The following FBXL5 variants were observed in gnomAD, a reference collection of about 807,000 sequenced individuals.
FBXL5 encodes the protein F-box/LRR-repeat protein 5.
FBXL5 carries 26 observed loss-of-function variants against 78.3 expected under a neutral mutation model. The observed-to-expected ratio is 0.33, with a 90% CI of 0.24 to 0.46. The LOEUF (loss-of-function observed/expected upper bound fraction) is 0.46, where lower values mean the gene tolerates loss of function less well. Among genes scored for constraint, FBXL5 ranks in the 20% least tolerant of loss-of-function variants. FBXL5 has a pLI of 1.00. For synonymous variants in FBXL5, 295 were observed against 282.5 expected (o/e 1.04, Z -0.45); for missense variants, 710 against 829.2 (o/e 0.86, Z 1.77).
upstream of FBXL5, among the ~76,000 whole-genome samples, chr4:15,662,622 C>A (rs1027612578): frequency 6.6e-6 from 1 of 152,110 alleles, no homozygotes; most frequent in African/African-American, 2.4e-5. Flanking sequence ...TTCAAGTGAG[C>A]CTCTCGTCAC....
At position 15,655,356 on chromosome 4, in the gene FBXL5, G is replaced by T; in HGVS notation, c.-69C>A. 1 of 1,194,916 alleles carries T rather than the reference G, an allele frequency of 8.4e-7. No homozygotes were observed. Among genetic ancestry groups the T allele is most frequent in the Middle Eastern group, 3.3e-4 (1 of 3,062 alleles). The allele number at this position is 1,194,916 out of a possible 1,614,324, so 74.0% of individuals were successfully genotyped here. On this transcript the variant is annotated 5_prime_UTR_variant, in exon 1 of 11. Transcript: ENST00000341285. ...TCTCCATAGACACCCTCGCCGCGGG[G>T]CAGAGGCGGCGCGCCCCCTTGCGCA...
intron 1 of FBXL5, among the ~76,000 whole-genome samples, chr4:15,670,567 T>C (rs1717719417): frequency 6.6e-6 from 1 of 152,198 alleles, no homozygotes; most frequent in Non-Finnish European, 1.5e-5. Context: ...CCTTTAGCTT[T>C]TAACTGGGAT....
chr4:15,659,769 C>A (rs1324497145), upstream of FBXL5: 8 of 982,878 alleles, frequency 8.1e-6, no homozygotes, highest in Non-Finnish European at 9.7e-6. Context: ...AAGTGAACAC[C>A]AAAATCTTGA....
intron 1 of FBXL5, among the ~76,000 whole-genome samples, chr4:15,668,753 G>T (rs1717646830): frequency 6.6e-6 from 1 of 152,140 alleles, no homozygotes; most frequent in Non-Finnish European, 1.5e-5. Flanking sequence ...TAATTTCTTA[G>T]TTATTGCACT....
chr4:15,616,771 C>T (rs1040261353), intron 9 of FBXL5, among the ~76,000 whole-genome samples: 1 of 152,200 alleles, frequency 6.6e-6, no homozygotes, highest in African/African-American at 2.4e-5. Context: ...GCCCGGCTCT[C>T]TAAATTCATC....
intron 2 of FBXL5, chr4:15,641,622 A>G: frequency 2.2e-6 from 1 of 455,746 alleles, no homozygotes; most frequent in Non-Finnish European, 4.4e-6. Flanking sequence ...AGTCAACAGT[A>G]GTAGGCTGTA....
At chr4:15,649,745 G>T (rs1473691818) in intron 1 of FBXL5, among the ~76,000 whole-genome samples, 1 of 151,876 alleles carries the variant, frequency 6.6e-6, no homozygotes, top group Non-Finnish European at 1.5e-5. Flanking sequence ...ACATACGGAA[G>T]GAAGCCAATG....
intron 5 of FBXL5, among the ~76,000 whole-genome samples, chr4:15,632,324 G>A (rs7688089): frequency 3.3e-5 from 5 of 152,152 alleles, no homozygotes; most frequent in Non-Finnish European, 7.3e-5. Context: ...TAGCCTTGTA[G>A]TATAGTTTGA....
At chr4:15,619,595 C>A (rs937486793) in intron 9 of FBXL5, among the ~76,000 whole-genome samples, 1 of 150,758 alleles carries the variant, frequency 6.6e-6, no homozygotes, top group Non-Finnish European at 1.5e-5. Context: ...AAGATTAGAA[C>A]AAGGTAAAAA....
At chr4:15,658,789 T>C (rs572765632), upstream of FBXL5, among the ~76,000 whole-genome samples, 27 of 152,214 alleles carry the variant, frequency 1.8e-4, no homozygotes, top group Non-Finnish European at 3.5e-4. Flanking sequence ...CTTAATCTAC[T>C]TTCTCGATAG....
At chr4:15,630,973 T>C (rs1713582777) in intron 5 of FBXL5, among the ~76,000 whole-genome samples, 182 bp from the exon 6 acceptor site, 1 of 152,202 alleles carries the variant, frequency 6.6e-6, no homozygotes, top group Non-Finnish European at 1.5e-5. Flanking sequence ...ACGTGCAAGT[T>C]TGTTACATAG....
intron 1 of FBXL5, among the ~76,000 whole-genome samples, chr4:15,678,547 CAT>C (rs1718077705): frequency 6.6e-6 from 1 of 152,194 alleles, no homozygotes; most frequent in African/African-American, 2.4e-5. Flanking sequence ...TATACATTTA[CAT>C]AGTCTCAAAA....
At chr4:15,647,372 G>GA (rs1024269346) in intron 1 of FBXL5, among the ~76,000 whole-genome samples, 5 of 152,030 alleles carry the variant, frequency 3.3e-5, no homozygotes, top group African/African-American at 1.2e-4. Context: ...TGTATGGGAA[G>GA]ATATGTGTAA....
chr4:15,645,204 G>A (rs1474215844), intron 1 of FBXL5, among the ~76,000 whole-genome samples: 1 of 151,944 alleles, frequency 6.6e-6, no homozygotes. Flanking sequence ...CCTATTATCA[G>A]CAGGAATGAC....
Position 15,634,012 on chromosome 4 carries a change from T to A in FBXL5, c.766+2482A>T, listed in dbSNP as rs73127638. On this transcript the variant is annotated intron_variant, in intron 5 of 10. Coordinates refer to ENST00000341285, the MANE Select transcript of FBXL5 (RefSeq NM_012161.4). ...GGGTGCTGTCCTGTGGATTATAGGGTGCTTAGCAACAACCCTGGCCTCTAC... is the reference window on the plus strand; with the variant it reads ...GGGTGCTGTCCTGTGGATTATAGGGAGCTTAGCAACAACCCTGGCCTCTAC... Among the ~76,000 whole-genome samples, 288 of 152,148 alleles carry A rather than the reference T, an allele frequency of 1.9e-3. 1 individual carries two copies. Among genetic ancestry groups the A allele is most frequent in the African/African-American group, 6.7e-3 (277 of 41,506 alleles).
chr4:15,608,464 A>G lies in FBXL5; in HGVS notation c.2000-2665T>C, dbSNP rs28393028. The stretch of plus-strand genomic sequence containing the variant: ...ATGGGGGAAGAAAAATGTAGAAATA[A>G]AAGTTTTTACCCTGTATTAGGTAAA... On this transcript the variant is annotated intron_variant, in intron 10 of 10. Coordinates refer to ENST00000341285, the MANE Select transcript of FBXL5 (RefSeq NM_012161.4). 9.3e-3 allele frequency among the ~76,000 whole-genome samples: 1,416 copies of G among 151,958 alleles called. 20 individuals carry two copies. Among genetic ancestry groups the G allele is most frequent in the African/African-American group, 0.032 (1,345 of 41,428 alleles).
At chr4:15,654,302 T>C (rs1716541960) in intron 1 of FBXL5, among the ~76,000 whole-genome samples, 3 of 152,360 alleles carry the variant, frequency 2.0e-5, no homozygotes, top group Middle Eastern at 6.8e-3. Context: ...TTTGCAGATA[T>C]CCATGACTTT....
chr4:15,658,848 A>G (rs1212115395), upstream of FBXL5, among the ~76,000 whole-genome samples: 1 of 152,222 alleles, frequency 6.6e-6, no homozygotes, highest in Admixed American at 6.5e-5. Flanking sequence ...AGCATTAAAT[A>G]TTAAGAAAAA....
At chr4:15,656,758 G>C (rs528217547), upstream of FBXL5, among the ~76,000 whole-genome samples, 1 of 150,228 alleles carries the variant, frequency 6.7e-6, no homozygotes, top group African/African-American at 2.4e-5. Context: ...ACCTACCTCA[G>C]AATCTTTATG....
Sources: gnomAD v4.1 joint callset for allele counts (sites outside exome capture counted in the v4.1 genomes callset) on GRCh38, gnomAD v4.1.1 for gene constraint, MANE v1.5 for transcripts, NCBI Gene and HGNC (gene_info 2026-07-23, HGNC 2026-07-21) for gene names.